DCLK1: variants seen among roughly 807,000 people sequenced by gnomAD.
DCLK1 encodes serine/threonine-protein kinase DCLK1.
DCLK1 carries 16 observed loss-of-function variants against 86.2 expected under a neutral mutation model. The observed-to-expected ratio is 0.19, with a 90% CI of 0.13 to 0.28. The LOEUF (loss-of-function observed/expected upper bound fraction) is 0.28, where lower values mean the gene tolerates loss of function less well. Ranked by LOEUF, DCLK1 falls within the 10% of genes least tolerant of loss-of-function variation. DCLK1 has a pLI of 1.00. For missense variants in DCLK1, 590 were observed against 940.2 expected (o/e 0.63, Z 4.87); for synonymous variants, 369 against 370.5 (o/e 1.00, Z 0.05).
rs142030320 is a variant in DCLK1 at position 36,119,057 on chromosome 13, A to G, written c.376+6705T>C. On this transcript the variant is annotated intron_variant, in intron 2 of 16. Transcript: ENST00000360631. The stretch of plus-strand genomic sequence containing the variant: ...TTTTGAGGGGGTCCCAAACATTAGG[A>G]CCCTAGCAGGTGGTAACACTATTTA... Among the ~76,000 whole-genome samples the G allele has an allele frequency of 1.4e-3, 212 of 152,272 alleles. 1 individual carries two copies. The highest frequency in any genetic ancestry group is 1.7e-3 in the East Asian group (9 of 5,180).
chr13:35,823,026 G>A lies in DCLK1; in HGVS notation c.1408-151C>T. 3.2e-6 allele frequency: 3 copies of A among 924,092 alleles called. No individual in the cohort carries two copies. The South Asian group carries it at 5.2e-5, about 16-fold the overall frequency. The allele number at this position is 924,092 out of a possible 1,614,324, so 57.2% of individuals were successfully genotyped here. A position where few individuals can be genotyped will look rare whatever the true frequency, so the allele number is the denominator to read the frequency against. Reference sequence around the variant, plus strand: ...TTTTCCTGCTACTTTCCTTTCAAAGGCTCGAAGGCTGAATGGTGATTTCTC... The same window carrying A: ...TTTTCCTGCTACTTTCCTTTCAAAGACTCGAAGGCTGAATGGTGATTTCTC... On this transcript the variant is annotated intron_variant, in intron 10 of 16. Coordinates refer to ENST00000360631, the MANE Select transcript of DCLK1 (RefSeq NM_001330071.2).
rs1593726473 is a variant in DCLK1, at chr13:35,913,063, T to TA, written c.823+34294_823+34295insT. Among the ~76,000 whole-genome samples, 4 of 152,140 alleles carry TA rather than the reference T, an allele frequency of 2.6e-5. No homozygotes were observed. The East Asian group carries it at 7.8e-4, about 30-fold the overall frequency. ...CCTCCGTCGCAAGTCTGACAAGGGG[T>TA]GAGAAAATTCCTGCATCACAAGGAG... is the stretch of plus-strand genomic sequence containing the variant. On this transcript the variant is annotated intron_variant, in intron 4 of 16. Coordinates refer to ENST00000360631, the MANE Select transcript of DCLK1 (RefSeq NM_001330071.2).
chr13:36,036,219 T>TA (rs2153154247), intron 3 of DCLK1, among the ~76,000 whole-genome samples: 1 of 152,278 alleles, frequency 6.6e-6, no homozygotes, highest in Admixed American at 6.5e-5. Flanking sequence ...AATTGGCATA[T>TA]AAAAAGTGGG....
chr13:36,121,775 G>A (rs149192621), intron 2 of DCLK1, among the ~76,000 whole-genome samples: 2 of 152,250 alleles, frequency 1.3e-5, no homozygotes, highest in African/African-American at 4.8e-5. Context: ...CTGTATATGT[G>A]TCCTTCACAT....
chr13:35,933,310 C>A (rs1876562170), intron 4 of DCLK1, among the ~76,000 whole-genome samples: 1 of 152,148 alleles, frequency 6.6e-6, no homozygotes, highest in South Asian at 2.1e-4. Flanking sequence ...AAGCTGTCGG[C>A]AGATCTACCA....
intron 4 of DCLK1, among the ~76,000 whole-genome samples, chr13:35,918,785 G>A (rs531175548): frequency 2.7e-5 from 4 of 150,900 alleles, no homozygotes; most frequent in Non-Finnish European, 5.9e-5. Flanking sequence ...AGGGATTTAT[G>A]AAAGCATCCT....
chr13:35,913,644 A>G (rs1004170275), intron 4 of DCLK1, among the ~76,000 whole-genome samples: 2 of 152,300 alleles, frequency 1.3e-5, no homozygotes, highest in East Asian at 3.9e-4. Context: ...AACTCTGACT[A>G]TGCAGACTCC....
intron 1 of DCLK1, among the ~76,000 whole-genome samples, chr13:36,129,742 A>G (rs1332059419): frequency 1.3e-5 from 2 of 152,212 alleles, no homozygotes; most frequent in Non-Finnish European, 2.9e-5. Flanking sequence ...TGGCACCAGG[A>G]TGGTAACCAC....
chr13:36,087,695 G>A (rs912784863), intron 3 of DCLK1, among the ~76,000 whole-genome samples: 6 of 152,038 alleles, frequency 3.9e-5, no homozygotes, highest in African/African-American at 1.4e-4. Context: ...GACTCCTGGA[G>A]GCTTCTCCCT....
At chr13:36,018,552 T>G (rs909905939) in intron 3 of DCLK1, among the ~76,000 whole-genome samples, 2 of 152,174 alleles carry the variant, frequency 1.3e-5, no homozygotes, top group Non-Finnish European at 2.9e-5. Context: ...ATTGAACAAA[T>G]TACATGAATC....
intron 4 of DCLK1, among the ~76,000 whole-genome samples, chr13:35,932,453 G>A (rs1876506585): frequency 6.6e-6 from 1 of 152,196 alleles, no homozygotes; most frequent in Admixed American, 6.5e-5. Context: ...TGTTCACACT[G>A]TTGATAAAGA....
intron 3 of DCLK1, among the ~76,000 whole-genome samples, chr13:36,077,568 A>AAT (rs1884257015): frequency 6.6e-6 from 1 of 152,122 alleles, no homozygotes; most frequent in South Asian, 2.1e-4. Flanking sequence ...GCAAGCAGAA[A>AAT]ATATATATAT....
At chr13:36,040,169 A>G (rs2153154945) in intron 3 of DCLK1, among the ~76,000 whole-genome samples, 1 of 151,702 alleles carries the variant, frequency 6.6e-6, no homozygotes, top group Non-Finnish European at 1.5e-5. Context: ...ACTGAAGTCC[A>G]TATTTCATTC....
rs760904440 is a variant in DCLK1 at position 35,772,442 on chromosome 13, G to C, written c.*2093C>G. 1 of 152,176 alleles carries C rather than the reference G, an allele frequency of 6.6e-6. No individual in the cohort carries two copies. The highest frequency in any genetic ancestry group is 1.5e-5 in the Non-Finnish European group (1 of 68,042). The allele number at this position is 152,176 out of a possible 1,614,324, so 9.4% of individuals were successfully genotyped here. ...TTTAGAGTTGAGGCCAGGCTGTAGA[G>C]CTACTCCATAGCCTTGGAATAGTGC... is the stretch of plus-strand genomic sequence containing the variant. On this transcript the variant is annotated 3_prime_UTR_variant, in exon 17 of 17. Transcript: ENST00000360631.
At chr13:36,103,288 C>A (rs568886964) in intron 3 of DCLK1, among the ~76,000 whole-genome samples, 1 of 151,512 alleles carries the variant, frequency 6.6e-6, no homozygotes, top group African/African-American at 2.4e-5. Context: ...GTAATCCCAG[C>A]TACTTGGGAG....
chr13:36,051,409 T>G (rs888931301), intron 3 of DCLK1, among the ~76,000 whole-genome samples: 6 of 152,268 alleles, frequency 3.9e-5, no homozygotes, highest in East Asian at 3.9e-4. Flanking sequence ...ATTCACACTT[T>G]CAGATGCCAA....
chr13:35,787,396 C>G (rs1477829255), intron 16 of DCLK1, among the ~76,000 whole-genome samples: 1 of 151,832 alleles, frequency 6.6e-6, no homozygotes, highest in Non-Finnish European at 1.5e-5. Flanking sequence ...CTCAAACCAT[C>G]AAAAACCATC....
intron 2 of DCLK1, among the ~76,000 whole-genome samples, chr13:36,117,983 CA>C (rs146866610): frequency 1.3e-5 from 2 of 150,616 alleles, no homozygotes; most frequent in African/African-American, 2.4e-5. Context: ...TTACCATTGA[CA>C]AAAAAGAGAG....
intron 6 of DCLK1, among the ~76,000 whole-genome samples, chr13:35,852,696 A>G (rs551069629): frequency 9.3e-4 from 142 of 152,300 alleles, no homozygotes; most frequent in African/African-American, 3.3e-3. Flanking sequence ...ACAAAATCAT[A>G]CTGAAGTGGA....
Sources: gnomAD v4.1 joint callset for allele counts (sites outside exome capture counted in the v4.1 genomes callset) on GRCh38, gnomAD v4.1.1 for gene constraint, MANE v1.5 for transcripts, NCBI Gene and HGNC (gene_info 2026-07-23, HGNC 2026-07-21) for gene names.